CDH13: variants seen among roughly 807,000 people sequenced by gnomAD.
CDH13 encodes cadherin-13.
CDH13 carries 24 observed loss-of-function variants against 63.8 expected under a neutral mutation model. The ratio of observed to expected loss-of-function variants is 0.38; its 90% CI spans 0.27 to 0.53. The LOEUF (loss-of-function observed/expected upper bound fraction) is 0.53, where lower values mean the gene tolerates loss of function less well. CDH13 is among the 20% of genes least tolerant of loss of function. The pLI is 0.85. For missense variants in CDH13, 1,049 were observed against 903.1 expected (o/e 1.16, Z -2.07); for synonymous variants, 503 against 355.3 (o/e 1.42, Z -4.67).
chr16:82,968,210 C>T (rs912799163), intron 2 of CDH13, among the ~76,000 whole-genome samples: 1 of 152,136 alleles, frequency 6.6e-6, no homozygotes, highest in African/African-American at 2.4e-5. Flanking sequence ...AATTGTCCAC[C>T]GTTTGTCCAG....
At chr16:82,805,275 G>T (rs1033804547) in intron 1 of CDH13, among the ~76,000 whole-genome samples, 1 of 152,174 alleles carries the variant, frequency 6.6e-6, no homozygotes, top group East Asian at 1.9e-4. Context: ...GAAGTGATTA[G>T]ATGATAAAGC....
At chr16:82,710,760 A>C (rs1444915474) in intron 1 of CDH13, among the ~76,000 whole-genome samples, 1 of 147,064 alleles carries the variant, frequency 6.8e-6, no homozygotes, top group African/African-American at 2.5e-5. Context: ...GTATATTTAT[A>C]AAATATATAA....
intron 10 of CDH13, chr16:83,721,889 C>G (rs1345566940): frequency 6.6e-6 from 1 of 152,248 alleles, no homozygotes; most frequent in Non-Finnish European, 1.5e-5. Flanking sequence ...TCACACACAT[C>G]TAGGGACCGT....
At chr16:82,967,838 C>T (rs1567703187) in intron 2 of CDH13, among the ~76,000 whole-genome samples, 1 of 152,154 alleles carries the variant, frequency 6.6e-6, no homozygotes, top group Non-Finnish European at 1.5e-5. Context: ...CCAGGTTTCT[C>T]CTATATAAAC....
intron 1 of CDH13, among the ~76,000 whole-genome samples, chr16:82,679,967 G>A (rs1045883596): frequency 2.0e-5 from 3 of 152,144 alleles, no homozygotes; most frequent in Non-Finnish European, 4.4e-5. Flanking sequence ...TCTTGACGGT[G>A]GTGAAGAAGG....
intron 1 of CDH13, among the ~76,000 whole-genome samples, chr16:82,857,367 C>G (rs1427043589): frequency 6.6e-6 from 1 of 152,202 alleles, no homozygotes; most frequent in Non-Finnish European, 1.5e-5. Context: ...GTTACGGAGC[C>G]TCTTCTCTGT....
intron 3 of CDH13, among the ~76,000 whole-genome samples, chr16:83,058,586 C>T (rs906351026): frequency 2.0e-5 from 3 of 152,168 alleles, no homozygotes; most frequent in Admixed American, 6.5e-5. Flanking sequence ...AGGGGCCAAT[C>T]TCCACTCCTG....
At chr16:83,165,670 A>G (rs2037634128) in intron 4 of CDH13, among the ~76,000 whole-genome samples, 1 of 152,138 alleles carries the variant, frequency 6.6e-6, no homozygotes, top group Admixed American at 6.6e-5. Context: ...TAACAGTGAC[A>G]TATGTGTAAG....
intron 5 of CDH13, among the ~76,000 whole-genome samples, chr16:83,236,237 G>GCACACACACACACACA (rs3049880): frequency 1.3e-4 from 19 of 148,896 alleles, no homozygotes; most frequent in African/African-American, 3.7e-4. Flanking sequence ...ACACGCACAT[G>GCACACACACACACACA]CACACACACA....
intron 1 of CDH13, among the ~76,000 whole-genome samples, chr16:82,729,422 G>A (rs929023967): frequency 2.0e-5 from 3 of 152,022 alleles, no homozygotes; most frequent in African/African-American, 4.8e-5. Context: ...AACTAGTCTC[G>A]TACATCTCTA....
chr16:83,191,722 T>C (rs1035349316), intron 4 of CDH13, among the ~76,000 whole-genome samples: 4 of 151,678 alleles, frequency 2.6e-5, no homozygotes, highest in African/African-American at 4.8e-5. Context: ...GCATCCAGCA[T>C]GGGCGAAAGA....
intron 1 of CDH13, among the ~76,000 whole-genome samples, chr16:82,771,004 C>T (rs957387821): frequency 5.3e-5 from 8 of 152,194 alleles, no homozygotes; most frequent in African/African-American, 9.7e-5. Flanking sequence ...CGTGAGCCAA[C>T]ACACCTGGCC....
At chr16:82,816,898 T>A (rs2037745217) in intron 1 of CDH13, among the ~76,000 whole-genome samples, 1 of 151,798 alleles carries the variant, frequency 6.6e-6, no homozygotes, top group South Asian at 2.1e-4. Flanking sequence ...GATAATGTGA[T>A]GCTTGGTACC....
At position 83,295,906 on chromosome 16, in the gene CDH13, T is replaced by A. The variant is rs1477029665; in HGVS notation, c.637-48956T>A. Among the ~76,000 whole-genome samples, 3 of 152,188 alleles carry A rather than the reference T, an allele frequency of 2.0e-5. No individual in the cohort carries two copies. In the East Asian group the frequency reaches 5.8e-4, roughly 29 times the overall value. On this transcript the variant is annotated intron_variant, in intron 5 of 13. Transcript: ENST00000567109. ...AGCAGTGTTCACAATAGCCAAGATA[T>A]GGAATCAACCTAAAAATTCATCAGT...
At chr16:83,239,786 C>A (rs1011032205) in intron 5 of CDH13, among the ~76,000 whole-genome samples, 2 of 152,158 alleles carry the variant, frequency 1.3e-5, no homozygotes, top group South Asian at 2.1e-4. Context: ...CCTCAGGGAA[C>A]TTACAGCAGA....
chr16:83,220,166 T>C (rs1272615384), intron 5 of CDH13, among the ~76,000 whole-genome samples: 1 of 152,218 alleles, frequency 6.6e-6, no homozygotes, highest in African/African-American at 2.4e-5. Context: ...TCGGTCATTG[T>C]CCTGTTTTCA....
intron 2 of CDH13, among the ~76,000 whole-genome samples, chr16:82,877,056 A>T (rs549049749): frequency 3.9e-5 from 6 of 152,240 alleles, no homozygotes; most frequent in Non-Finnish European, 8.8e-5. Context: ...ACTCACTTCC[A>T]TAAGGGCAAA....
intron 1 of CDH13, among the ~76,000 whole-genome samples, chr16:82,798,746 C>T (rs2036707078): frequency 6.6e-6 from 1 of 152,064 alleles, no homozygotes; most frequent in Non-Finnish European, 1.5e-5. Context: ...AACACATGCC[C>T]CAGGTAGAGC....
At chr16:83,104,952 C>A (rs118052830) in intron 3 of CDH13, among the ~76,000 whole-genome samples, 4 of 152,318 alleles carry the variant, frequency 2.6e-5, no homozygotes, top group South Asian at 4.1e-4. Flanking sequence ...CTCCCTCTCT[C>A]ATTTTCTCTG....
Sources: allele counts gnomAD v4.1 joint callset (sites outside exome capture counted in the v4.1 genomes callset), GRCh38; gene constraint gnomAD v4.1.1; transcripts MANE v1.5; gene names NCBI Gene and HGNC (gene_info 2026-07-23, HGNC 2026-07-21).